C4orf36: variants seen among roughly 807,000 people sequenced by gnomAD.
C4orf36 encodes uncharacterized protein C4orf36.
C4orf36 carries 11 observed loss-of-function variants against 12.2 expected under a neutral mutation model. That is an observed-to-expected ratio of 0.90 (90% CI 0.57 to 1.49). The LOEUF (loss-of-function observed/expected upper bound fraction) is 1.49. Ranked by LOEUF, C4orf36 falls within the 40% of genes most tolerant of loss-of-function variation. C4orf36 has a pLI of 0.00. For missense variants in C4orf36, 137 were observed against 133.9 expected, an observed-to-expected ratio of 1.02 and a Z score of -0.11; for synonymous variants, 54 against 51.3, an observed-to-expected ratio of 1.05 and a Z score of -0.22.
At chr4:86,931,821 G>A in the C4orf36 span, among the ~76,000 whole-genome samples, 97 of 147,934 alleles carry the variant, frequency 6.6e-4, no homozygotes, top group African/African-American at 2.3e-3. Context: ...GGATCACGAG[G>A]TCAGGAGATT....
At chr4:86,919,681 T>C in the C4orf36 span, among the ~76,000 whole-genome samples, 2 of 152,154 alleles carry the variant, frequency 1.3e-5, no homozygotes, top group Non-Finnish European at 2.9e-5. Context: ...TTTCCTCTTA[T>C]ATCTTACTGT....
chr4:86,896,835 CCTA>C (rs1411646217), upstream of C4orf36, among the ~76,000 whole-genome samples: 7 of 152,332 alleles, frequency 4.6e-5, no homozygotes, highest in East Asian at 1.3e-3. Context: ...TAATTCATCT[CCTA>C]CTCCCTAAAT....
the C4orf36 span, chr4:86,926,348 T>C: frequency 6.6e-6 from 1 of 152,254 alleles, no homozygotes; most frequent in Non-Finnish European, 1.5e-5. Context: ...ACAGGGTTTA[T>C]TGAGGAGACT....
At chr4:86,904,038 A>G in the C4orf36 span, among the ~76,000 whole-genome samples, 1 of 152,224 alleles carries the variant, frequency 6.6e-6, no homozygotes, top group Non-Finnish European at 1.5e-5. Flanking sequence ...AGCTAGGCTG[A>G]AAAGTTCTCC....
intron 4 of C4orf36, among the ~76,000 whole-genome samples, chr4:86,886,133 T>C: frequency 6.6e-6 from 1 of 152,212 alleles, no homozygotes; most frequent in East Asian, 1.9e-4. Flanking sequence ...GCATCGATGT[T>C]CATCAGGGAT....
chr4:86,916,957 T>C, the C4orf36 span, among the ~76,000 whole-genome samples: 1 of 152,142 alleles, frequency 6.6e-6, no homozygotes. Flanking sequence ...AAGAAAATAC[T>C]ATGGACTAGG....
intron 2 of C4orf36, among the ~76,000 whole-genome samples, chr4:86,890,384 A>G (rs866775745): frequency 1.2e-4 from 19 of 152,182 alleles, no homozygotes; most frequent in Non-Finnish European, 2.5e-4. Flanking sequence ...TGGGCAGAGC[A>G]AAGTTCAATA....
chr4:86,934,448 T>C, the C4orf36 span: 23 of 152,230 alleles, frequency 1.5e-4, no homozygotes, highest in African/African-American at 5.1e-4. Context: ...TGGTTTCCCA[T>C]GCCACTTAGT....
chr4:86,923,434 A>T, the C4orf36 span, among the ~76,000 whole-genome samples: 2 of 151,790 alleles, frequency 1.3e-5, no homozygotes, highest in African/African-American at 4.8e-5. Context: ...TTAATAGTTA[A>T]CCATGTTTTA....
At chr4:86,928,681 CTTT>C in the C4orf36 span, among the ~76,000 whole-genome samples, 4 of 152,096 alleles carry the variant, frequency 2.6e-5, no homozygotes, top group East Asian at 7.7e-4. Context: ...GGTAAATGTT[CTTT>C]TTTTCTTTTT....
the C4orf36 span, chr4:86,914,384 CTTCTTCCTTTTT>C: frequency 5.9e-6 from 3 of 511,432 alleles, no homozygotes; most frequent in African/African-American, 4.7e-5. Context: ...TCCCGTTCTT[CTTCTTCCTTTTT>C]TTTTTTTTTT....
At chr4:86,929,811 A>G in the C4orf36 span, among the ~76,000 whole-genome samples, 1 of 152,252 alleles carries the variant, frequency 6.6e-6, no homozygotes, top group African/African-American at 2.4e-5. Context: ...GAGAGATTTA[A>G]GAGGAAAGTT....
chr4:86,892,496 G>A (rs558717656), upstream of C4orf36: 13,637 of 979,852 alleles, frequency 0.014, 117 homozygotes, highest in Non-Finnish European at 0.015. Flanking sequence ...GGGAGGGGAC[G>A]CCGGGCCCGG....
Position 86,892,284 on chromosome 4 carries a change from G to C in C4orf36, c.-175C>G, listed in dbSNP as rs934947665. 3.0e-6 allele frequency: 3 copies of C among 985,620 alleles called. No individual in the cohort carries two copies. Among genetic ancestry groups the C allele is most frequent in the Non-Finnish European group, 3.6e-6 (3 of 830,184 alleles). The allele number at this position is 985,620 out of a possible 1,614,324, so 61.1% of individuals were successfully genotyped here. ...GCCGGCGCCGGCGGCCTGGTTACCC[G>C]GGCTCCAGGGGCTCGGAGGGTCGCG... is the stretch of plus-strand genomic sequence containing the variant. On this transcript the variant is annotated 5_prime_UTR_variant, in exon 1 of 5. Transcript: ENST00000295898.
chr4:86,907,008 C>G, the C4orf36 span, among the ~76,000 whole-genome samples: 1 of 151,430 alleles, frequency 6.6e-6, no homozygotes, highest in Non-Finnish European at 1.5e-5. Context: ...CCACTGCACT[C>G]CTGCCTTGGT....
the C4orf36 span, among the ~76,000 whole-genome samples, chr4:86,906,176 G>T: frequency 6.6e-6 from 1 of 152,188 alleles, no homozygotes; most frequent in East Asian, 1.9e-4. Context: ...GCTCAGATCC[G>T]CAATAAACTG....
At chr4:86,883,171 C>A (rs1406938201) in intron 4 of C4orf36, among the ~76,000 whole-genome samples, 1 of 152,078 alleles carries the variant, frequency 6.6e-6, no homozygotes, top group Admixed American at 6.6e-5. Context: ...TTCTGGGTTA[C>A]ACAGTGGGGA....
At chr4:86,890,269 G>GGTCA (rs1747354633) in intron 2 of C4orf36, 1 of 385,710 alleles carries the variant, frequency 2.6e-6, no homozygotes, top group East Asian at 7.3e-5. Context: ...ACTTGCCCAA[G>GGTCA]GTCACAAAGC....
the C4orf36 span, among the ~76,000 whole-genome samples, chr4:86,910,002 C>G: frequency 6.6e-6 from 1 of 151,124 alleles, no homozygotes; most frequent in Non-Finnish European, 1.5e-5. Context: ...TGGCTTATCT[C>G]ATTGGACACA....
Sources: allele counts gnomAD v4.1 joint callset (sites outside exome capture counted in the v4.1 genomes callset), GRCh38; gene constraint gnomAD v4.1.1; transcripts MANE v1.5; gene names NCBI Gene and HGNC (gene_info 2026-07-23, HGNC 2026-07-21).